The following KCNN3 variants were observed in gnomAD, a reference collection of about 807,000 sequenced individuals.
KCNN3 encodes potassium calcium-activated channel subfamily N member 3, also known as small conductance calcium-activated potassium channel protein 3.
A neutral mutation model predicts 62.9 loss-of-function variants in KCNN3; 16 were observed. That is an observed-to-expected ratio of 0.25 (90% CI 0.17 to 0.39). KCNN3 has a LOEUF of 0.39. Among genes scored for constraint, KCNN3 ranks in the 10% least tolerant of loss-of-function variants. The pLI is 1.00. For missense variants in KCNN3, 599 were observed against 949.4 expected, an observed-to-expected ratio of 0.63 and a Z score of 4.85; for synonymous variants, 370 against 389.2, an observed-to-expected ratio of 0.95 and a Z score of 0.58.
chr1:154,797,687 T>A (rs144655013), intron 2 of KCNN3, among the ~76,000 whole-genome samples: 1 of 152,188 alleles, frequency 6.6e-6, no homozygotes, highest in East Asian at 1.9e-4. Context: ...CCAGGAACAG[T>A]GTAAGCACTC....
At chr1:154,797,592 G>T (rs1012546702) in intron 2 of KCNN3, among the ~76,000 whole-genome samples, 3 of 152,146 alleles carry the variant, frequency 2.0e-5, no homozygotes, top group African/African-American at 7.2e-5. Flanking sequence ...CCTTGTTATT[G>T]CCTGTCCCTG....
intron 3 of KCNN3, among the ~76,000 whole-genome samples, chr1:154,744,264 C>A (rs916989644): frequency 6.6e-6 from 1 of 152,228 alleles, no homozygotes. Flanking sequence ...CTTCGTCTTT[C>A]TCACAAGCCA....
At chr1:154,764,614 A>G (rs775268301) in intron 3 of KCNN3, among the ~76,000 whole-genome samples, 12 of 152,318 alleles carry the variant, frequency 7.9e-5, no homozygotes, top group Middle Eastern at 3.4e-3. Context: ...TCTCCTCTAC[A>G]TAGGACAACG....
intron 6 of KCNN3, among the ~76,000 whole-genome samples, chr1:154,714,182 GGTGT>G (rs1347529818): frequency 8.1e-5 from 1 of 12,328 alleles, no homozygotes; most frequent in South Asian, 3.9e-3. Context: ...TGTGGTGTGT[GGTGT>G]GTGTGTGGTG....
intron 3 of KCNN3, among the ~76,000 whole-genome samples, chr1:154,752,750 G>A (rs1430522060): frequency 2.0e-5 from 3 of 152,144 alleles, no homozygotes; most frequent in Non-Finnish European, 2.9e-5. Flanking sequence ...TGCTGGGGGC[G>A]AGGCAATTAA....
chr1:154,766,888 A>G (rs1033321565), intron 3 of KCNN3, among the ~76,000 whole-genome samples: 2 of 151,886 alleles, frequency 1.3e-5, no homozygotes, highest in Non-Finnish European at 2.9e-5. Flanking sequence ...TCACCGTGTT[A>G]GCCAGGATGG....
At chr1:154,736,470 A>T (rs1321691770) in intron 3 of KCNN3, among the ~76,000 whole-genome samples, 1 of 152,280 alleles carries the variant, frequency 6.6e-6, no homozygotes, top group Non-Finnish European at 1.5e-5. Flanking sequence ...TGAGATACTT[A>T]GTATCTGAAA....
At chr1:154,763,907 A>G (rs1308425193) in intron 3 of KCNN3, among the ~76,000 whole-genome samples, 1 of 152,220 alleles carries the variant, frequency 6.6e-6, no homozygotes, top group Non-Finnish European at 1.5e-5. Flanking sequence ...CATTTTTTGT[A>G]TAAAATTCAC....
At chr1:154,807,424 AG>A (rs1650220554) in intron 2 of KCNN3, among the ~76,000 whole-genome samples, 1 of 152,212 alleles carries the variant, frequency 6.6e-6, no homozygotes, top group Non-Finnish European at 1.5e-5. Context: ...AACACTCAGA[AG>A]CCCCCCGCAC....
chr1:154,808,587 C>G (rs541069011), intron 2 of KCNN3, among the ~76,000 whole-genome samples: 43 of 152,256 alleles, frequency 2.8e-4, no homozygotes, highest in African/African-American at 1.0e-3. Flanking sequence ...GCTGTCCCCA[C>G]GGTGCCTGGC....
At chr1:154,815,927 G>A (rs967959061) in intron 2 of KCNN3, among the ~76,000 whole-genome samples, 35 of 152,174 alleles carry the variant, frequency 2.3e-4, no homozygotes, top group African/African-American at 8.4e-4. Flanking sequence ...AACACCTCCT[G>A]CATTACAGAC....
chr1:154,762,088 G>C (rs1458699571), intron 3 of KCNN3, among the ~76,000 whole-genome samples: 1 of 152,122 alleles, frequency 6.6e-6, no homozygotes, highest in Non-Finnish European at 1.5e-5. Context: ...ATGTTTACTT[G>C]GTTTCTCATT....
At chr1:154,712,512 G>A (rs1339963622) in intron 7 of KCNN3, among the ~76,000 whole-genome samples, 1 of 152,102 alleles carries the variant, frequency 6.6e-6, no homozygotes, top group East Asian at 1.9e-4. Flanking sequence ...CAAGGCACCT[G>A]CACGTGGCCC....
intron 1 of KCNN3, among the ~76,000 whole-genome samples, chr1:154,856,747 C>A (rs930167897): frequency 6.6e-6 from 1 of 152,206 alleles, no homozygotes; most frequent in Non-Finnish European, 1.5e-5. Flanking sequence ...ACTGAGACAG[C>A]TTCCCAAAGC....
At chr1:154,755,095 T>C (rs915060575) in intron 3 of KCNN3, among the ~76,000 whole-genome samples, 9 of 152,232 alleles carry the variant, frequency 5.9e-5, no homozygotes, top group African/African-American at 1.7e-4. Context: ...CTAGTAGTTT[T>C]CTTGCCACCT....
rs2101752983 is a variant in KCNN3 at position 154,707,155 on chromosome 1, T to A, written c.*821A>T. On this transcript the variant is annotated 3_prime_UTR_variant, in exon 8 of 8. Transcript: ENST00000271915. The stretch of plus-strand genomic sequence containing the variant: ...TGTCTGAAGGGATCCACATCTTCAG[T>A]GAAACTCAGAATGTGGCCAGAACTA... 6.6e-6 allele frequency: 1 copy of A among 152,318 alleles called. No homozygotes were observed. Among genetic ancestry groups the A allele is most frequent in the South Asian group, 2.1e-4 (1 of 4,830 alleles). The allele number at this position is 152,318 out of a possible 1,614,324, so 9.4% of individuals were successfully genotyped here. A position where few individuals can be genotyped will look rare whatever the true frequency, so the allele number is the denominator to read the frequency against.
In KCNN3 at chr1:154,809,918, G is replaced by C. The variant is rs896581404; in HGVS notation, c.1029+12171C>G. ...GGCTGTCTTTGGCTGCAGTAACAAA[G>C]TGAGAAAGCAGGTCGGTGCCTTCTG... On this transcript the variant is annotated intron_variant, in intron 2 of 7. Transcript: ENST00000271915. The surrounding 1 kb of genome is among the most constrained non-coding windows in gnomAD (Gnocchi z 4.3). Among the ~76,000 whole-genome samples, 1 of 152,208 alleles carries C rather than the reference G, an allele frequency of 6.6e-6. No homozygotes were observed. The highest frequency in any genetic ancestry group is 2.1e-4 in the South Asian group (1 of 4,832).
chr1:154,834,631 A>G (rs1651510881), intron 1 of KCNN3, among the ~76,000 whole-genome samples: 1 of 152,180 alleles, frequency 6.6e-6, no homozygotes, highest in Admixed American at 6.5e-5. Context: ...TTCAAACTCT[A>G]CAAGGACTTA....
Position 154,869,510 on chromosome 1 carries a change from C to T in KCNN3, c.455G>A (p.Gly152Asp), listed in dbSNP as rs771770139. The T allele has an allele frequency of 1.2e-6, 2 of 1,614,016 alleles. No individual in the cohort carries two copies. Among genetic ancestry groups the T allele is most frequent in the Non-Finnish European group, 1.7e-6 (2 of 1,179,970 alleles). ...GGGGCTGGCCTGTCGGTGCCGGCTG[C>T]CTCCGCCAGGCCCACTTGTAGCTGT... The part of the protein sequence containing the change: ...SSTATSGPGG[G>D]SRHRQASPLV... Residue 152 changes from glycine to aspartate, a missense_variant, in exon 1 of 8, where the codon GGC (glycine) becomes GAC (aspartate). Physicochemically the swap from Gly to Asp is moderately conservative, Grantham distance 94. Coordinates refer to ENST00000271915, the MANE Select transcript of KCNN3 (RefSeq NM_002249.6). This position sits in a 1 kb window ranked among gnomAD's most constrained non-coding sequence, Gnocchi z 6.1.
Sources: gnomAD v4.1 joint callset for allele counts (sites outside exome capture counted in the v4.1 genomes callset) on GRCh38, gnomAD v4.1.1 for gene constraint, Gnocchi (gnomAD v3.1) non-coding constraint, MANE v1.5 for transcripts, NCBI Gene and HGNC (gene_info 2026-07-23, HGNC 2026-07-21) for gene names.